The following PLEKHG1 variants were observed in gnomAD, a reference collection of about 807,000 sequenced individuals.
PLEKHG1 encodes pleckstrin homology and RhoGEF domain containing G1.
In PLEKHG1, 44 loss-of-function variants were observed where a neutral mutation model predicts 100.8. The observed-to-expected ratio is 0.44, with a 90% confidence interval of 0.34 to 0.56. The LOEUF (loss-of-function observed/expected upper bound fraction) is 0.56. PLEKHG1 is among the 20% of genes least tolerant of loss of function. PLEKHG1 has a pLI of 0.01. For synonymous variants in PLEKHG1, 640 were observed against 662.5 expected (o/e 0.97, Z 0.52); for missense variants, 1,545 against 1,720.9 (o/e 0.90, Z 1.81).
At chr6:150,627,596 C>A (rs1378908374) in intron 1 of PLEKHG1, among the ~76,000 whole-genome samples, 1 of 151,862 alleles carries the variant, frequency 6.6e-6, no homozygotes, top group Non-Finnish European at 1.5e-5. Context: ...TTTTTTTTAA[C>A]CGTAATCTTA....
At chr6:150,718,423 A>G (rs117941672), upstream of PLEKHG1, among the ~76,000 whole-genome samples, 224 of 152,132 alleles carry the variant, frequency 1.5e-3, no homozygotes, top group East Asian at 0.03. Context: ...CAGGTGTGAA[A>G]GAACCTGGAC....
chr6:150,733,863 C>T lies in PLEKHG1; in HGVS notation c.182C>T (p.Pro61Leu), dbSNP rs898401447. Residue 61 changes from proline (P) to leucine (L), a missense_variant, in exon 2 of 16, where the codon CCG (proline) becomes CTG (leucine). Transcript: ENST00000358517. The stretch of plus-strand genomic sequence containing the variant: ...AAACTGGAGCTGATTCCTGCCAGGC[C>T]GTTTTCCAGCAGCGAGCTGCAGAGG... 26 of 1,614,050 alleles carry T rather than the reference C, an allele frequency of 1.6e-5. No individual in the cohort carries two copies. The highest frequency in any genetic ancestry group is 5.0e-5 in the Admixed American group (3 of 60,002).
chr6:150,603,406 G>A (rs1404706546), intron 1 of PLEKHG1, among the ~76,000 whole-genome samples: 1 of 152,164 alleles, frequency 6.6e-6, no homozygotes, highest in Non-Finnish European at 1.5e-5. Context: ...AAGTGATTAA[G>A]AGATGACTAC....
At chr6:150,743,751 C>G (rs1209433354) in intron 2 of PLEKHG1, among the ~76,000 whole-genome samples, 2 of 152,198 alleles carry the variant, frequency 1.3e-5, no homozygotes, top group South Asian at 2.1e-4. Context: ...CTCCCACCCC[C>G]TCCTTTTTTT....
At chr6:150,727,667 A>C (rs1051725803) in intron 1 of PLEKHG1, among the ~76,000 whole-genome samples, 1 of 152,014 alleles carries the variant, frequency 6.6e-6, no homozygotes, top group African/African-American at 2.4e-5. Flanking sequence ...TCATTGTGCG[A>C]CTCAGTAAGT....
At chr6:150,766,730 T>C (rs1162683343) in intron 2 of PLEKHG1, among the ~76,000 whole-genome samples, 1 of 152,248 alleles carries the variant, frequency 6.6e-6, no homozygotes, top group Non-Finnish European at 1.5e-5. Context: ...TCTTTGTCTG[T>C]AACCCCAGAT....
At chr6:150,777,990 C>T (rs572381644) in intron 3 of PLEKHG1, among the ~76,000 whole-genome samples, 19 of 152,342 alleles carry the variant, frequency 1.2e-4, no homozygotes, top group Admixed American at 2.6e-4. Flanking sequence ...TTGTACTTTG[C>T]GTGTTTGCAT....
chr6:150,830,802 C>T (rs749374544), exon 15 of PLEKHG1: 40 of 1,614,062 alleles, frequency 2.5e-5, no homozygotes, highest in East Asian at 4.5e-5. Context: ...ATGTTCGTGC[C>T]GTCATTTTCC....
chr6:150,798,277 A>G (rs779022091), intron 5 of PLEKHG1, among the ~76,000 whole-genome samples: 1 of 152,204 alleles, frequency 6.6e-6, no homozygotes, highest in Non-Finnish European at 1.5e-5. Context: ...AAGAATCATC[A>G]AAGTTCCAGA....
intron 4 of PLEKHG1, among the ~76,000 whole-genome samples, chr6:150,794,185 T>C (rs1173353163): frequency 6.6e-6 from 1 of 151,902 alleles, no homozygotes; most frequent in African/African-American, 2.4e-5. Context: ...GGAAGAAAAA[T>C]AGGGGAGAAC....
At chr6:150,836,302 T>C (rs1777218060) in intron 15 of PLEKHG1, among the ~76,000 whole-genome samples, 2 of 151,900 alleles carry the variant, frequency 1.3e-5, no homozygotes, top group Admixed American at 1.3e-4. Flanking sequence ...CGCTTGAACC[T>C]GGGAAGTGGA....
chr6:150,716,183 A>C (rs1317810929), upstream of PLEKHG1, among the ~76,000 whole-genome samples: 2 of 152,190 alleles, frequency 1.3e-5, no homozygotes, highest in East Asian at 3.9e-4. Context: ...ATAGACTAAA[A>C]ATACATTAAG....
intron 1 of PLEKHG1, among the ~76,000 whole-genome samples, chr6:150,606,380 C>T (rs953988636): frequency 4.6e-5 from 7 of 152,206 alleles, no homozygotes; most frequent in African/African-American, 1.7e-4. Context: ...TCTCTCCTCC[C>T]TATCCCACGA....
exon 3 of PLEKHG1, chr6:150,768,730 C>A: frequency 6.5e-7 from 1 of 1,538,282 alleles, no homozygotes; most frequent in Non-Finnish European, 9.0e-7. Flanking sequence ...ATATCTACCA[C>A]TTCAATAGGT....
chr6:150,735,109 C>CTA (rs2128618852), intron 2 of PLEKHG1, among the ~76,000 whole-genome samples: 1 of 151,248 alleles, frequency 6.6e-6, no homozygotes, highest in South Asian at 2.1e-4. Flanking sequence ...GCCTCAGCAT[C>CTA]CTGAGTAGCT....
chr6:150,785,628 T>C (rs1785579764), intron 3 of PLEKHG1, among the ~76,000 whole-genome samples: 1 of 152,160 alleles, frequency 6.6e-6, no homozygotes, highest in African/African-American at 2.4e-5. Context: ...TATAATTTTG[T>C]ATTCATTAGT....
intron 3 of PLEKHG1, among the ~76,000 whole-genome samples, chr6:150,653,837 G>A (rs944145814): frequency 1.3e-5 from 2 of 152,146 alleles, no homozygotes; most frequent in Non-Finnish European, 2.9e-5. Flanking sequence ...AGAGATGCAT[G>A]CTTATATCAA....
intron 1 of PLEKHG1, among the ~76,000 whole-genome samples, chr6:150,728,205 G>A (rs774109463): frequency 6.6e-6 from 1 of 152,138 alleles, no homozygotes; most frequent in Non-Finnish European, 1.5e-5. Flanking sequence ...CAAGAATAAT[G>A]TAATTATATC....
intron 1 of PLEKHG1, among the ~76,000 whole-genome samples, chr6:150,606,075 C>G (rs1482007149): frequency 6.6e-6 from 1 of 152,166 alleles, no homozygotes; most frequent in Non-Finnish European, 1.5e-5. Flanking sequence ...AAAAGTATTG[C>G]AAGCCATTTA....
Sources: allele counts gnomAD v4.1 joint callset (sites outside exome capture counted in the v4.1 genomes callset), GRCh38; gene constraint gnomAD v4.1.1; transcripts MANE v1.5; gene names NCBI Gene and HGNC (gene_info 2026-07-23, HGNC 2026-07-21).